LHFPL1: variants seen among roughly 807,000 people sequenced by gnomAD.
LHFPL1 encodes LHFPL tetraspan subfamily member 1 protein.
In LHFPL1, 4 loss-of-function variants were observed where a neutral mutation model predicts 12.1. That is an observed-to-expected ratio of 0.33 (90% confidence interval 0.16 to 0.76). The LOEUF (loss-of-function observed/expected upper bound fraction) is 0.76, where lower values mean the gene tolerates loss of function less well. Ranked by LOEUF, LHFPL1 falls within the 30% of genes least tolerant of loss-of-function variation. LHFPL1 has a pLI of 0.61. For missense variants in LHFPL1, 141 were observed against 174.1 expected (o/e 0.81, Z 1.07); for synonymous variants, 52 against 61.9 (o/e 0.84, Z 0.75).
intron 3 of LHFPL1, among the ~76,000 whole-genome samples, chrX:112,633,151 A>G (rs1176626362): frequency 8.9e-6 from 1 of 111,979 alleles, no homozygotes; most frequent in African/African-American, 3.3e-5. Flanking sequence ...TGCTGGCTCA[A>G]TAGTACAGAT....
At chrX:112,669,424 T>C (rs1931428687) in intron 2 of LHFPL1, among the ~76,000 whole-genome samples, 1 of 112,688 alleles carries the variant, frequency 8.9e-6, no homozygotes, top group African/African-American at 3.2e-5. Flanking sequence ...GGGAAGAAAC[T>C]AACTTAATTG....
intron 3 of LHFPL1, among the ~76,000 whole-genome samples, chrX:112,634,795 C>A (rs1930290538): frequency 9.0e-6 from 1 of 111,177 alleles, no homozygotes; most frequent in Non-Finnish European, 1.9e-5. Context: ...TGTGAATTCC[C>A]TCTCACAGAA....
At chrX:112,660,102 C>A (rs1214818224) in intron 3 of LHFPL1, among the ~76,000 whole-genome samples, 2 of 112,336 alleles carry the variant, frequency 1.8e-5, no homozygotes, top group East Asian at 5.6e-4. Flanking sequence ...CTGAGACATT[C>A]TCAGTGAAAA....
At chrX:112,673,276 G>A (rs1478209133) in intron 1 of LHFPL1, among the ~76,000 whole-genome samples, 1 of 111,872 alleles carries the variant, frequency 8.9e-6, no homozygotes, top group Non-Finnish European at 1.9e-5. Context: ...TTAGGGCTTG[G>A]GAAGAAAGTG....
rs148580844 is a variant in LHFPL1, at chrX:112,663,432, C to T, written c.383-2707G>A. On this transcript the variant is annotated intron_variant, in intron 2 of 3. Coordinates refer to ENST00000371968, the MANE Select transcript of LHFPL1 (RefSeq NM_178175.4). ...CTATATAACAGACAGCTTCCTTTGC[C>T]CACACTGCCCAAGGGGAAAGTCCCT... 3.7e-3 allele frequency among the ~76,000 whole-genome samples: 408 copies of T among 110,771 alleles called. 1 individual carries two copies. The highest frequency in any genetic ancestry group is 0.013 in the African/African-American group (391 of 30,492).
At chrX:112,647,712 T>C (rs952353621) in intron 3 of LHFPL1, among the ~76,000 whole-genome samples, 1 of 112,014 alleles carries the variant, frequency 8.9e-6, no homozygotes, top group Non-Finnish European at 1.9e-5. Context: ...AAGAACACTT[T>C]TACACTGTTG....
At chrX:112,676,599 A>T (rs1031488153) in intron 1 of LHFPL1, among the ~76,000 whole-genome samples, 1 of 112,154 alleles carries the variant, frequency 8.9e-6, no homozygotes, top group East Asian at 2.8e-4. Flanking sequence ...ACTAAAGCCT[A>T]ATGTTTGCTC....
chrX:112,659,573 T>C (rs755159944), intron 3 of LHFPL1, among the ~76,000 whole-genome samples: 33 of 112,001 alleles, frequency 2.9e-4, no homozygotes, highest in African/African-American at 8.4e-4. Flanking sequence ...ATAAGAATTA[T>C]ATATCAACGA....
At chrX:112,646,963 T>C (rs1388632300) in intron 3 of LHFPL1, among the ~76,000 whole-genome samples, 2 of 111,984 alleles carry the variant, frequency 1.8e-5, no homozygotes, top group Non-Finnish European at 3.8e-5. Flanking sequence ...GCCTTTAATT[T>C]GCTGTGTGAC....
chrX:112,676,406 A>C (rs1490935863), intron 1 of LHFPL1, among the ~76,000 whole-genome samples: 1 of 111,808 alleles, frequency 8.9e-6, no homozygotes, highest in East Asian at 2.8e-4. Context: ...AGGCATTGAT[A>C]GGATTGCAGT....
At chrX:112,655,137 C>T (rs1332116582) in intron 3 of LHFPL1, among the ~76,000 whole-genome samples, 1 of 112,010 alleles carries the variant, frequency 8.9e-6, no homozygotes, top group East Asian at 2.8e-4. Context: ...GTTCTTTAGA[C>T]CACAGGCCTA....
intron 3 of LHFPL1, among the ~76,000 whole-genome samples, chrX:112,647,161 A>G (rs1422151901): frequency 8.9e-6 from 1 of 112,308 alleles, no homozygotes; most frequent in Admixed American, 9.4e-5. Flanking sequence ...ATAACACGAC[A>G]GTTTTATAAG....
At chrX:112,666,495 AC>A (rs1931338733) in intron 2 of LHFPL1, among the ~76,000 whole-genome samples, 1 of 111,383 alleles carries the variant, frequency 9.0e-6, no homozygotes, top group Admixed American at 9.5e-5. Flanking sequence ...AAGAAGCAAC[AC>A]CCTAAACAAG....
chrX:112,636,458 A>G lies in LHFPL1; in HGVS notation c.482-4857T>C, dbSNP rs1322277861. ...ATATTTATACTTTAAATTCTATTCA[A>G]AATAAATCTTGATGACTAAAAGATT... On this transcript the variant is annotated intron_variant, in intron 3 of 3. Transcript: ENST00000371968. Among the ~76,000 whole-genome samples the G allele has an allele frequency of 8.9e-5, 10 of 112,332 alleles. No individual in the cohort carries two copies. The East Asian group carries it at 1.9e-3, about 22-fold the overall frequency.
chrX:112,658,899 A>G (rs1208062317), intron 3 of LHFPL1, among the ~76,000 whole-genome samples: 2 of 112,361 alleles, frequency 1.8e-5, no homozygotes, highest in African/African-American at 3.2e-5. Context: ...ATAAATGGAT[A>G]AATAAAATGT....
intron 3 of LHFPL1, among the ~76,000 whole-genome samples, chrX:112,633,178 G>A (rs747022278): frequency 2.7e-5 from 3 of 111,567 alleles, no homozygotes; most frequent in South Asian, 3.7e-4. Context: ...GTTTCTTTTC[G>A]TGATTATGCT....
intron 2 of LHFPL1, among the ~76,000 whole-genome samples, chrX:112,661,405 T>G (rs755851635): frequency 6.2e-4 from 70 of 112,059 alleles, no homozygotes; most frequent in African/African-American, 2.2e-3. Flanking sequence ...AATCTGGGTC[T>G]GCTTGCCAAC....
chrX:112,640,830 T>C (rs1170046316), intron 3 of LHFPL1, among the ~76,000 whole-genome samples: 1 of 111,651 alleles, frequency 9.0e-6, no homozygotes, highest in Non-Finnish European at 1.9e-5. Flanking sequence ...TGTGTGTGTG[T>C]GTGTGTGTGT....
At chrX:112,667,025 T>C (rs1466794011) in intron 2 of LHFPL1, among the ~76,000 whole-genome samples, 1 of 111,776 alleles carries the variant, frequency 8.9e-6, no homozygotes, top group East Asian at 2.8e-4. Flanking sequence ...AAACAGAAAA[T>C]CGCTTTCATA....
Sources: gnomAD v4.1 joint callset for allele counts (sites outside exome capture counted in the v4.1 genomes callset) on GRCh38, gnomAD v4.1.1 for gene constraint, MANE v1.5 for transcripts, NCBI Gene and HGNC (gene_info 2026-07-23, HGNC 2026-07-21) for gene names.